CNTN5: variants seen among roughly 807,000 people sequenced by gnomAD.
CNTN5 encodes the protein contactin-5.
CNTN5 carries 77 observed loss-of-function variants against 129.1 expected under a neutral mutation model. The ratio of observed to expected loss-of-function variants is 0.60; its 90% confidence interval spans 0.50 to 0.72. CNTN5 has a LOEUF of 0.72. Among genes scored for constraint, CNTN5 ranks in the 30% least tolerant of loss-of-function variants. CNTN5 has a pLI of 0.00. For missense variants in CNTN5, 1,478 were observed against 1,328.8 expected (o/e 1.11, Z -1.75); for synonymous variants, 509 against 465.6 (o/e 1.09, Z -1.20).
At chr11:99,930,055 C>T (rs891882425) in intron 7 of CNTN5, among the ~76,000 whole-genome samples, 1 of 152,118 alleles carries the variant, frequency 6.6e-6, no homozygotes, top group Non-Finnish European at 1.5e-5. Context: ...TTCCCCTTGT[C>T]CTTCCTGTTG....
intron 3 of CNTN5, among the ~76,000 whole-genome samples, chr11:99,747,063 C>G (rs1253711521): frequency 6.6e-6 from 1 of 152,048 alleles, no homozygotes; most frequent in Non-Finnish European, 1.5e-5. Flanking sequence ...TATGAGATAT[C>G]CTTTCATTTA....
intron 9 of CNTN5, among the ~76,000 whole-genome samples, chr11:100,053,953 A>G (rs1378895320): frequency 2.0e-5 from 3 of 151,792 alleles, no homozygotes; most frequent in African/African-American, 4.8e-5. Context: ...CAGAAGACAT[A>G]CTCAAAATAC....
intron 4 of CNTN5, 84 bp downstream of exon 4, chr11:99,819,849 C>G (rs1039217450): frequency 6.1e-6 from 3 of 491,060 alleles, no homozygotes; most frequent in Non-Finnish European, 9.1e-6. Context: ...GAGATCAAGA[C>G]TATTCCAGTA....
chr11:99,260,842 G>A (rs1418668500), intron 1 of CNTN5, among the ~76,000 whole-genome samples: 1 of 151,892 alleles, frequency 6.6e-6, no homozygotes, highest in Admixed American at 6.6e-5. Context: ...TGGGACTTGT[G>A]AGGGCACTTA....
At chr11:99,980,858 A>G (rs1001183386) in intron 8 of CNTN5, among the ~76,000 whole-genome samples, 2 of 151,892 alleles carry the variant, frequency 1.3e-5, no homozygotes, top group Admixed American at 1.3e-4. Context: ...CTTCATCCTC[A>G]TTAACAGGCT....
chr11:99,162,925 T>G (rs983594051), intron 1 of CNTN5, among the ~76,000 whole-genome samples: 1 of 152,236 alleles, frequency 6.6e-6, no homozygotes, highest in Non-Finnish European at 1.5e-5. Context: ...TTTTACCTTT[T>G]GTTTTTAGAA....
At chr11:99,638,074 C>T (rs1314727233) in intron 3 of CNTN5, among the ~76,000 whole-genome samples, 1 of 93,848 alleles carries the variant, frequency 1.1e-5, no homozygotes, top group Non-Finnish European at 2.7e-5. Context: ...ATACCTGAAA[C>T]TGAGAAACAA....
At chr11:99,228,666 A>C (rs981722243) in intron 1 of CNTN5, among the ~76,000 whole-genome samples, 1 of 152,154 alleles carries the variant, frequency 6.6e-6, no homozygotes, top group Admixed American at 6.5e-5. Flanking sequence ...AGTCTTTACT[A>C]ATTTTAAATA....
intron 2 of CNTN5, among the ~76,000 whole-genome samples, chr11:99,336,072 T>C (rs1866210279): frequency 6.6e-6 from 1 of 152,200 alleles, no homozygotes; most frequent in Admixed American, 6.5e-5. Flanking sequence ...GATTGCTGAT[T>C]TAGCCTTTAA....
chr11:99,493,298 A>G (rs1304085436), intron 2 of CNTN5, among the ~76,000 whole-genome samples: 1 of 152,246 alleles, frequency 6.6e-6, no homozygotes, highest in Non-Finnish European at 1.5e-5. Flanking sequence ...TCAAAAGATG[A>G]AGTCAGCATA....
chr11:99,547,009 T>C (rs1565282132), intron 2 of CNTN5, among the ~76,000 whole-genome samples: 3 of 150,604 alleles, frequency 2.0e-5, no homozygotes, highest in Middle Eastern at 3.4e-3. Context: ...TTTTCTTTTT[T>C]TTTTTTTTTT....
At chr11:99,947,084 A>G (rs1383101991) in intron 7 of CNTN5, among the ~76,000 whole-genome samples, 1 of 147,032 alleles carries the variant, frequency 6.8e-6, no homozygotes, top group African/African-American at 2.7e-5. Flanking sequence ...AAAAATATAA[A>G]CATGATTATA....
chr11:99,055,080 G>T, intron 1 of CNTN5, among the ~76,000 whole-genome samples: 1 of 151,880 alleles, frequency 6.6e-6, no homozygotes, highest in East Asian at 1.9e-4. Flanking sequence ...ATCTGGGCTA[G>T]GTCCCTAGAA....
chr11:99,696,740 C>A (rs1360835009), intron 3 of CNTN5, among the ~76,000 whole-genome samples: 1 of 151,682 alleles, frequency 6.6e-6, no homozygotes, highest in East Asian at 1.9e-4. Context: ...ATAGTCTCTG[C>A]AGAGATTTCA....
At chr11:99,148,762 G>A (rs1565356312) in intron 1 of CNTN5, among the ~76,000 whole-genome samples, 1 of 151,982 alleles carries the variant, frequency 6.6e-6, no homozygotes, top group Non-Finnish European at 1.5e-5. Flanking sequence ...ATCTTTATTT[G>A]CTATGTAGCC....
At chr11:100,090,517 C>CCCTCCCTCCCTCCCTT (rs1944730223) in intron 13 of CNTN5, among the ~76,000 whole-genome samples, 1 of 67,378 alleles carries the variant, frequency 1.5e-5, no homozygotes, top group African/African-American at 7.1e-5. Flanking sequence ...CTCCCTCCCT[C>CCCTCCCTCCCTCCCTT]CCTCCCTCCC....
chr11:100,010,927 G>C (rs1265131216), intron 9 of CNTN5, among the ~76,000 whole-genome samples: 2 of 151,974 alleles, frequency 1.3e-5, no homozygotes, highest in Non-Finnish European at 2.9e-5. Context: ...ACCTTTCAGT[G>C]TGACCACCTA....
At chr11:99,851,844 C>T (rs966017045) in intron 6 of CNTN5, among the ~76,000 whole-genome samples, 1 of 152,090 alleles carries the variant, frequency 6.6e-6, no homozygotes, top group Non-Finnish European at 1.5e-5. Flanking sequence ...ATATAAAACT[C>T]AAAAATTACT....
At chr11:99,965,749 T>A (rs907047776) in intron 8 of CNTN5, among the ~76,000 whole-genome samples, 1 of 152,194 alleles carries the variant, frequency 6.6e-6, no homozygotes, top group African/African-American at 2.4e-5. Flanking sequence ...TGTCTAATGT[T>A]GACAGTGGGG....
Sources: allele counts gnomAD v4.1 joint callset (sites outside exome capture counted in the v4.1 genomes callset), GRCh38; gene constraint gnomAD v4.1.1; transcripts MANE v1.5; gene names NCBI Gene and HGNC (gene_info 2026-07-23, HGNC 2026-07-21).